The following RBFOX1 variants were observed in gnomAD, a reference collection of about 807,000 sequenced individuals.
RBFOX1 encodes the protein RNA binding fox-1 homolog 1.
RBFOX1 carries 8 observed loss-of-function variants against 57.7 expected under a neutral mutation model. That is an observed-to-expected ratio of 0.14 (90% CI 0.08 to 0.25). RBFOX1 has a LOEUF of 0.25. Ranked by LOEUF, RBFOX1 falls within the 10% of genes least tolerant of loss-of-function variation. The pLI, the probability that RBFOX1 is intolerant of heterozygous loss-of-function variation, is 1.00. For synonymous variants in RBFOX1, 326 were observed against 222.4 expected (o/e 1.47, Z -4.15); for missense variants, 611 against 548.5 (o/e 1.11, Z -1.14).
chr16:6,905,645 G>C (rs1014407947), intron 3 of RBFOX1, among the ~76,000 whole-genome samples: 2 of 151,872 alleles, frequency 1.3e-5, no homozygotes, highest in African/African-American at 4.8e-5. Flanking sequence ...TCCCCGTTTA[G>C]CAACATTGCC....
At chr16:7,008,462 C>T (rs1438634795) in intron 3 of RBFOX1, among the ~76,000 whole-genome samples, 1 of 151,960 alleles carries the variant, frequency 6.6e-6, no homozygotes, top group African/African-American at 2.4e-5. Flanking sequence ...ATCGCTTGAA[C>T]CTAGGAAGCA....
rs898915727 is a variant in RBFOX1, at chr16:7,346,470, C to G, written c.28-171677C>G. Among the ~76,000 whole-genome samples the G allele has an allele frequency of 3.9e-5, 6 of 152,248 alleles. No individual in the cohort carries two copies. In the East Asian group the frequency reaches 7.8e-4, roughly 20 times the overall value. On this transcript the variant is annotated intron_variant, in intron 4 of 15. Transcript: ENST00000550418. The stretch of plus-strand genomic sequence containing the variant: ...ACGCGTTTGATAATGTCTCTGCTTT[C>G]TGGCTTCACACCTTCCTCCCATGTT...
intron 4 of RBFOX1, among the ~76,000 whole-genome samples, chr16:7,065,419 C>T (rs558243052): frequency 6.6e-6 from 1 of 152,128 alleles, no homozygotes; most frequent in South Asian, 2.1e-4. Context: ...CTGCCTCGTT[C>T]CTCTGTCCAC....
intron 4 of RBFOX1, among the ~76,000 whole-genome samples, chr16:7,121,711 T>C (rs1115937): frequency 0.57 from 85,795 of 151,568 alleles, 24,457 homozygotes; most frequent in East Asian, 0.71. Context: ...CTAAAAATTA[T>C]AAGGAAAAAC....
intron 4 of RBFOX1, among the ~76,000 whole-genome samples, chr16:5,993,958 G>T (rs909742223): frequency 6.6e-6 from 1 of 152,192 alleles, no homozygotes; most frequent in Non-Finnish European, 1.5e-5. Context: ...GAAGCACTTT[G>T]CTGCTGGGGA....
At chr16:6,383,109 T>G (rs1278587718) in intron 2 of RBFOX1, among the ~76,000 whole-genome samples, 1 of 152,208 alleles carries the variant, frequency 6.6e-6, no homozygotes, top group Non-Finnish European at 1.5e-5. Context: ...CAAATTCTCA[T>G]GCTTTCTCCA....
chr16:5,805,900 G>A (rs1383899824), intron 3 of RBFOX1, among the ~76,000 whole-genome samples: 2 of 152,200 alleles, frequency 1.3e-5, no homozygotes, highest in East Asian at 3.9e-4. Flanking sequence ...ACAGAATAGA[G>A]TGGATAAGGA....
chr16:5,550,220 C>T (rs977222238), intron 2 of RBFOX1, among the ~76,000 whole-genome samples: 4 of 152,164 alleles, frequency 2.6e-5, no homozygotes, highest in African/African-American at 7.2e-5. Context: ...TTCTGGAGGA[C>T]ATTGTAGGGT....
intron 3 of RBFOX1, among the ~76,000 whole-genome samples, chr16:6,871,160 G>A (rs139171903): frequency 6.6e-6 from 1 of 152,148 alleles, no homozygotes; most frequent in African/African-American, 2.4e-5. Context: ...TAAACCAACT[G>A]AAGTTTAATT....
chr16:5,888,796 TAAAAAA>T lies in RBFOX1; in HGVS notation c.351+21482_351+21487del, dbSNP rs59196477. On this transcript the variant is annotated intron_variant, in intron 4 of 19. Transcript: ENST00000641259. ...TGGGCGACAAGAGCGAAACTCAGTC[TAAAAAA>T]AAAAAAAAAAAAAAAAAAAAGTTGT... Among the ~76,000 whole-genome samples the T allele has an allele frequency of 7.7e-3, 767 of 99,210 alleles. 30 individuals carry two copies. Among genetic ancestry groups the T allele is most frequent in the Admixed American group, 0.067 (632 of 9,412 alleles). The allele number at this position is 99,210 out of a possible 152,430, so 65.1% of individuals were successfully genotyped here. A position where few individuals can be genotyped will look rare whatever the true frequency, so the allele number is the denominator to read the frequency against.
intron 3 of RBFOX1, among the ~76,000 whole-genome samples, chr16:5,800,749 G>C (rs552842719): frequency 1.8e-4 from 28 of 152,246 alleles, no homozygotes; most frequent in African/African-American, 6.7e-4. Context: ...TTCTCAGATA[G>C]CTAACAGGGC....
chr16:5,398,934 C>G (rs1340388044), intron 1 of RBFOX1, among the ~76,000 whole-genome samples: 2 of 152,194 alleles, frequency 1.3e-5, no homozygotes, highest in East Asian at 1.9e-4. Context: ...AGAAAGGTGG[C>G]TGCGATTGGT....
At chr16:5,837,407 C>A (rs749091986) in intron 3 of RBFOX1, among the ~76,000 whole-genome samples, 1 of 152,020 alleles carries the variant, frequency 6.6e-6, no homozygotes, top group African/African-American at 2.4e-5. Flanking sequence ...TAATTTTTGT[C>A]CCAGTCCAAG....
chr16:6,832,127 A>G (rs536594458), intron 3 of RBFOX1, among the ~76,000 whole-genome samples: 13 of 152,352 alleles, frequency 8.5e-5, no homozygotes, highest in Non-Finnish European at 1.5e-4. Flanking sequence ...CTTTTTCCTG[A>G]TATTTCAAAG....
At chr16:7,634,000 C>T (rs145768550) in intron 11 of RBFOX1, among the ~76,000 whole-genome samples, 375 of 152,268 alleles carry the variant, frequency 2.5e-3, no homozygotes, top group African/African-American at 8.2e-3. Flanking sequence ...CAGGCCTGTG[C>T]GCACACACAC....
intron 4 of RBFOX1, among the ~76,000 whole-genome samples, chr16:7,423,990 C>G (rs972099835): frequency 1.1e-4 from 16 of 152,126 alleles, no homozygotes; most frequent in Admixed American, 6.5e-4. Flanking sequence ...GGATGGAGAA[C>G]TAAAGGCATT....
At chr16:7,555,409 T>A (rs1553613) in intron 5 of RBFOX1, among the ~76,000 whole-genome samples, 82 of 152,258 alleles carry the variant, frequency 5.4e-4, no homozygotes, top group East Asian at 3.9e-4. Context: ...TTCCTCGTTC[T>A]GATAAATGCA....
chr16:6,026,567 T>C (rs1311675588), intron 1 of RBFOX1, among the ~76,000 whole-genome samples: 1 of 152,216 alleles, frequency 6.6e-6, no homozygotes, highest in East Asian at 1.9e-4. Context: ...TGTGCAGTGG[T>C]TAGGGAGCTC....
chr16:7,485,138 C>T (rs1305069016), intron 4 of RBFOX1, among the ~76,000 whole-genome samples: 2 of 151,958 alleles, frequency 1.3e-5, no homozygotes, highest in Non-Finnish European at 2.9e-5. Flanking sequence ...GAAGTTGTTT[C>T]CACCTGCTAT....
Sources: allele counts gnomAD v4.1 joint callset (sites outside exome capture counted in the v4.1 genomes callset), GRCh38; gene constraint gnomAD v4.1.1; transcripts MANE v1.5; gene names NCBI Gene and HGNC (gene_info 2026-07-23, HGNC 2026-07-21).